CYLC2: variants seen among roughly 807,000 people sequenced by gnomAD.
CYLC2 encodes the protein cylicin-2.
Under a neutral mutation model 26.1 loss-of-function variants are expected in CYLC2, and 30 were observed. That is an observed-to-expected ratio of 1.15 (90% confidence interval 0.86 to 1.56). CYLC2 has a LOEUF of 1.56. Ranked by LOEUF, CYLC2 falls within the 40% of genes most tolerant of loss-of-function variation. The probability of loss-of-function intolerance (pLI) is 0.00; values close to 1 mark genes in which losing one functional copy is unlikely to be tolerated. For missense variants in CYLC2, 498 were observed against 394.4 expected (o/e 1.26, Z -2.23); for synonymous variants, 158 against 132.8 (o/e 1.19, Z -1.31).
At chr9:103,013,080 T>C (rs964332772) in intron 6 of CYLC2, among the ~76,000 whole-genome samples, 3 of 143,718 alleles carry the variant, frequency 2.1e-5, no homozygotes, top group Admixed American at 1.5e-4. Context: ...TGTATAAATA[T>C]GTATCATAAA....
intron 6 of CYLC2, among the ~76,000 whole-genome samples, chr9:103,015,658 G>A (rs191395163): frequency 1.6e-3 from 243 of 147,982 alleles, no homozygotes; most frequent in Non-Finnish European, 2.8e-3. Context: ...CTTGACCAGC[G>A]CTCTACCTTT....
Position 103,005,855 on chromosome 9 carries a change from T to A in CYLC2, c.*177T>A. 1 of 672,088 alleles carries A rather than the reference T, an allele frequency of 1.5e-6. No individual in the cohort carries two copies. Among genetic ancestry groups the A allele is most frequent in the Non-Finnish European group, 2.4e-6 (1 of 415,904 alleles). 41.6% of individuals were successfully genotyped at this position (672,088 alleles called of 1,614,324 possible). A position where few individuals can be genotyped will look rare whatever the true frequency, so the allele number is the denominator to read the frequency against. ...CTCAGCAGAGATTTATAAAAATATA[T>A]AAGAAAGATGTTAAGAAAAATTAAG... On this transcript the variant is annotated 3_prime_UTR_variant, in exon 5 of 8. Transcript: ENST00000374798.
chr9:103,013,257 ATGTGT>A (rs1829432971), intron 6 of CYLC2, among the ~76,000 whole-genome samples: 2 of 111,544 alleles, frequency 1.8e-5, no homozygotes, highest in Non-Finnish European at 3.3e-5. Context: ...TATATATTTA[ATGTGT>A]TATATATATT....
Position 103,003,239 on chromosome 9 carries a change from T to G in CYLC2, c.156T>G (p.Ser52=), listed in dbSNP as rs142731875. Residue 52 remains serine, a synonymous_variant, in exon 3 of 8, where the codon TCT becomes TCG. Coordinates refer to ENST00000374798, the MANE Select transcript of CYLC2 (RefSeq NM_001340.5). ...GAACCAAAAGGAGATCAAAACCTTCTCAAATACGGGACAACACGGTTTCTG... is the reference window on the plus strand; with the variant it reads ...GAACCAAAAGGAGATCAAAACCTTCGCAAATACGGGACAACACGGTTTCTG... ...RPGTKRRSKP[S]QIRDNTVSII... is the part of the protein sequence containing the mutation. 8 of 1,613,658 alleles carry G rather than the reference T, an allele frequency of 5.0e-6. No homozygotes were observed. In the African/African-American group the frequency reaches 1.1e-4, roughly 22 times the overall value.
rs796803578 is a variant in CYLC2, at chr9:103,010,841, T to C, written c.*701-1141T>C. On this transcript the variant is annotated intron_variant, in intron 5 of 7. Transcript: ENST00000374798. Reference sequence around the variant, plus strand: ...CACATTGCTTAGTAGTTTACATTAGTTGTATTTGCAGGAATGTGCTGTATT... The same window carrying C: ...CACATTGCTTAGTAGTTTACATTAGCTGTATTTGCAGGAATGTGCTGTATT... 1.4e-4 allele frequency: 21 copies of C among 152,200 alleles called. 1 individual carries two copies. The highest frequency in any genetic ancestry group is 5.1e-4 in the African/African-American group (21 of 41,564). The allele number at this position is 152,200 out of a possible 1,614,324, so 9.4% of individuals were successfully genotyped here.
chr9:103,012,977 T>G (rs1829423949), intron 6 of CYLC2, among the ~76,000 whole-genome samples: 1 of 149,814 alleles, frequency 6.7e-6, no homozygotes, highest in Non-Finnish European at 1.5e-5. Context: ...ACTTTGAAAG[T>G]GCATTTCTGT....
chr9:103,015,300 T>TA (rs1829487949), intron 6 of CYLC2, among the ~76,000 whole-genome samples: 1 of 127,996 alleles, frequency 7.8e-6, no homozygotes, highest in African/African-American at 3.0e-5. Flanking sequence ...TAATTATATG[T>TA]TATAATATAT....
chr9:103,001,709 G>T lies in CYLC2; in HGVS notation c.58+91G>T, dbSNP rs1382343462. 6 of 796,874 alleles carry T rather than the reference G, an allele frequency of 7.5e-6. No homozygotes were observed. In the African/African-American group the frequency reaches 1.1e-4, roughly 14 times the overall value. 49.4% of individuals were successfully genotyped at this position (796,874 alleles called of 1,614,324 possible). A position where few individuals can be genotyped will look rare whatever the true frequency, so the allele number is the denominator to read the frequency against. Reference sequence around the variant, plus strand: ...TATTCAAAGTGATAAAGCAAACATTGCCATGGAATAAAATTGATAATTAAC... The same window carrying T: ...TATTCAAAGTGATAAAGCAAACATTTCCATGGAATAAAATTGATAATTAAC... On this transcript the variant is annotated intron_variant, in intron 2 of 7. Transcript: ENST00000374798.
chr9:103,005,558 G>A lies in CYLC2; in HGVS notation c.927G>A (p.Glu309=), dbSNP rs1829337083. ...AGAAAGTTGCCAAGAAAGATACTGAGAAAGAATCTGCTGATTCAAAGAAGG... is the reference window on the plus strand; with the variant it reads ...AGAAAGTTGCCAAGAAAGATACTGAAAAAGAATCTGCTGATTCAAAGAAGG... The part of the protein sequence containing the change: ...DAKKVAKKDT[E]KESADSKKDA... The change falls in exon 5 of 8, where the codon GAG becomes GAA. Residue 309 remains glutamate, a synonymous_variant. Transcript: ENST00000374798. 1 of 1,609,066 alleles carries A rather than the reference G, an allele frequency of 6.2e-7. No homozygotes were observed. The highest frequency in any genetic ancestry group is 8.5e-7 in the Non-Finnish European group (1 of 1,176,848).
At chr9:102,995,696 A>G (rs1017817833) in intron 1 of CYLC2, among the ~76,000 whole-genome samples, 2 of 152,030 alleles carry the variant, frequency 1.3e-5, no homozygotes, top group East Asian at 3.9e-4. Flanking sequence ...AATATAAAAT[A>G]AAATAATTCA....
chr9:103,012,248 ACTGTGCC>A (rs1829414758), intron 6 of CYLC2, among the ~76,000 whole-genome samples, 151 bp downstream of exon 6: 1 of 152,062 alleles, frequency 6.6e-6, no homozygotes, highest in Non-Finnish European at 1.5e-5. Context: ...GGCGTGAGCC[ACTGTGCC>A]CTGCCTTTAA....
chr9:102,996,908 A>G (rs547043785), intron 1 of CYLC2, among the ~76,000 whole-genome samples: 12 of 152,056 alleles, frequency 7.9e-5, no homozygotes, highest in South Asian at 6.2e-4. Context: ...AACTCAGCCC[A>G]TTTATAATGT....
intron 6 of CYLC2, among the ~76,000 whole-genome samples, chr9:103,013,713 T>C (rs1347918134): frequency 8.9e-6 from 1 of 112,154 alleles, no homozygotes; most frequent in African/African-American, 3.7e-5. Context: ...TTATATATTA[T>C]ATATATTATG....
At chr9:103,007,494 T>C (rs1372141546) in intron 5 of CYLC2, among the ~76,000 whole-genome samples, 1 of 152,074 alleles carries the variant, frequency 6.6e-6, no homozygotes, top group Non-Finnish European at 1.5e-5. Context: ...AGAGTAAGAA[T>C]ATATACATAA....
chr9:102,997,038 C>T (rs1217556243), intron 1 of CYLC2, among the ~76,000 whole-genome samples: 1 of 151,728 alleles, frequency 6.6e-6, no homozygotes, highest in African/African-American at 2.4e-5. Flanking sequence ...AATCTCGTAT[C>T]TAATGTATAT....
intron 6 of CYLC2, among the ~76,000 whole-genome samples, chr9:103,013,586 TATATAA>T (rs1377509901): frequency 2.1e-3 from 231 of 112,516 alleles, no homozygotes; most frequent in African/African-American, 8.1e-3. Context: ...GTATTTACAA[TATATAA>T]ATATATTTAT....
rs369835418 is a variant in CYLC2 at position 103,005,444 on chromosome 9, G to T, written c.813G>T (p.Lys271Asn). 6.6e-5 allele frequency: 107 copies of T among 1,613,432 alleles called. No individual in the cohort carries two copies. The highest frequency in any genetic ancestry group is 1.3e-4 in the Admixed American group (8 of 59,858). ...KKDAKEIKKG[K>N]KDKKKPSSTD... is the part of the protein sequence containing the mutation. ...ATGCAAAGGAGATTAAAAAAGGTAA[G>T]AAAGATAAGAAGAAGCCCAGTAGTA... The change falls in exon 5 of 8, where the codon AAG becomes AAT. Residue 271 changes from lysine (K) to asparagine (N), a missense_variant. Coordinates refer to ENST00000374798, the MANE Select transcript of CYLC2 (RefSeq NM_001340.5).
intron 1 of CYLC2, among the ~76,000 whole-genome samples, chr9:102,998,200 T>C (rs1233694513): frequency 6.6e-6 from 1 of 151,970 alleles, no homozygotes; most frequent in Non-Finnish European, 1.5e-5. Flanking sequence ...CCAGACACTT[T>C]AATTTAATTT....
At chr9:103,011,945 C>CTT (rs1564099943) in intron 5 of CYLC2, 37 bp from the exon 6 acceptor site, 41 of 105,280 alleles carry the variant, frequency 3.9e-4, no homozygotes, top group South Asian at 6.8e-4. Flanking sequence ...TTAGATCATT[C>CTT]TCTTTTTTTT....
Sources: gnomAD v4.1 joint callset for allele counts (sites outside exome capture counted in the v4.1 genomes callset) on GRCh38, gnomAD v4.1.1 for gene constraint, MANE v1.5 for transcripts, NCBI Gene and HGNC (gene_info 2026-07-23, HGNC 2026-07-21) for gene names.